Variants in CCDC144A observed in about 807,000 individuals in gnomAD.
The protein encoded by CCDC144A is coiled-coil domain containing 144A, also known as coiled-coil domain-containing protein 144A.
CCDC144A carries 41 observed loss-of-function variants against 143.8 expected under a neutral mutation model. The ratio of observed to expected loss-of-function variants is 0.29; its 90% confidence interval spans 0.22 to 0.37. The LOEUF is 0.37. Ranked by LOEUF, CCDC144A falls within the 10% of genes least tolerant of loss-of-function variation. The pLI, the probability that CCDC144A is intolerant of heterozygous loss-of-function variation, is 1.00. For synonymous variants in CCDC144A, 242 were observed against 517.9 expected (o/e 0.47, Z 7.23); for missense variants, 637 against 1,488.8 (o/e 0.43, Z 9.41).
chr17:16,716,228 GCAAA>G lies in CCDC144A; in HGVS notation c.1716-3957_1716-3954del, dbSNP rs750365028. Among the ~76,000 whole-genome samples, 191 of 152,216 alleles carry G rather than the reference GCAAA, an allele frequency of 1.3e-3. 1 individual carries two copies. The highest frequency in any genetic ancestry group is 2.2e-3 in the Admixed American group (34 of 15,296). Reference sequence around the variant, plus strand: ...AATTCGCTACATAGTTAAAAAACAAGCAAACAAACAAACAAAAAACAATTATTAA... The same window carrying G: ...AATTCGCTACATAGTTAAAAAACAAGCAAACAAACAAAAAACAATTATTAA... On this transcript the variant is annotated intron_variant, in intron 6 of 16. Transcript: ENST00000399273.
intron 12 of CCDC144A, among the ~76,000 whole-genome samples, chr17:16,748,424 A>G (rs1914638050): frequency 2.6e-5 from 4 of 152,222 alleles, no homozygotes; most frequent in Admixed American, 1.3e-4. Flanking sequence ...AACCAATTGC[A>G]TCACAAAAAT....
rs746257085 is a variant in CCDC144A, at chr17:16,709,257, A to G, written c.1200A>G (p.Lys400=). 8 of 1,611,776 alleles carry G rather than the reference A, an allele frequency of 5.0e-6. No individual in the cohort carries two copies. The East Asian group carries it at 1.6e-4, about 31-fold the overall frequency. ...CTAAGTTTCATTTACATGAAAATAAATTAGACTGCGACAATGATAACAAAC... is the reference window on the plus strand; with the variant it reads ...CTAAGTTTCATTTACATGAAAATAAGTTAGACTGCGACAATGATAACAAAC... ...SSSKFHLHEN[K]LDCDNDNKPG... is the part of the protein sequence containing the mutation. The change falls in exon 5 of 17, where the codon AAA becomes AAG. Residue 400 remains lysine, a synonymous_variant. Transcript: ENST00000399273.
intron 8 of CCDC144A, among the ~76,000 whole-genome samples, chr17:16,722,784 C>G (rs1454283045): frequency 6.6e-6 from 1 of 152,012 alleles, no homozygotes; most frequent in Non-Finnish European, 1.5e-5. Context: ...CAGCGTGTAG[C>G]CTTTAGACTG....
chr17:16,668,329 T>C, the CCDC144A span, among the ~76,000 whole-genome samples: 1 of 152,218 alleles, frequency 6.6e-6, no homozygotes, highest in Non-Finnish European at 1.5e-5. Flanking sequence ...TATACTTTAG[T>C]CACTTATACC....
the CCDC144A span, among the ~76,000 whole-genome samples, chr17:16,681,502 C>T: frequency 1.3e-5 from 2 of 151,926 alleles, no homozygotes; most frequent in African/African-American, 2.4e-5. Context: ...GTAAAGTTAC[C>T]CAGGTTTGTT....
chr17:16,707,449 T>G lies in CCDC144A; in HGVS notation c.665-20T>G. 2.6e-6 allele frequency: 4 copies of G among 1,567,658 alleles called. No individual in the cohort carries two copies. Among genetic ancestry groups the G allele is most frequent in the Non-Finnish European group, 3.5e-6 (4 of 1,146,888 alleles). ...ATCTAACTGTTCTAAGTAGTTTAAC[T>G]GAATGTTTGGATTTTGCAGCAGAAC... On this transcript the variant is annotated intron_variant, in intron 3 of 16. Transcript: ENST00000399273.
chr17:16,743,222 T>A (rs1335809896), intron 12 of CCDC144A, among the ~76,000 whole-genome samples: 1 of 152,184 alleles, frequency 6.6e-6, no homozygotes, highest in East Asian at 1.9e-4. Flanking sequence ...TAATTTTGGA[T>A]CTCATGTTTA....
intron 6 of CCDC144A, among the ~76,000 whole-genome samples, chr17:16,717,989 T>C (rs1288464995): frequency 6.6e-6 from 1 of 152,156 alleles, no homozygotes. Context: ...ATGACAGCAG[T>C]TTAAGTGAAA....
At chr17:16,667,336 G>A in the CCDC144A span, among the ~76,000 whole-genome samples, 1 of 140,454 alleles carries the variant, frequency 7.1e-6, no homozygotes, top group Non-Finnish European at 1.5e-5. Context: ...AGGAGGCTGA[G>A]GCGGCTGAGG....
chr17:16,711,699 G>A lies in CCDC144A; in HGVS notation c.1599G>A (p.Lys533=). 1.9e-6 allele frequency: 3 copies of A among 1,603,382 alleles called. No individual in the cohort carries two copies. Among genetic ancestry groups the A allele is most frequent in the Non-Finnish European group, 2.6e-6 (3 of 1,173,106 alleles). ...LHKDVEEEME[K]HRSNSTELSG... is the part of the protein sequence containing the mutation. ...TCAAGGTTGAAGAAGAAATGGAGAA[G>A]CACAGAAGTAATAGCACAGAATTAT... Residue 533 remains lysine (K), a synonymous_variant, in exon 6 of 17, where the codon AAG becomes AAA. Transcript: ENST00000399273.
intron 15 of CCDC144A, among the ~76,000 whole-genome samples, chr17:16,768,244 AG>A (rs1215541949): frequency 3.9e-5 from 6 of 152,262 alleles, no homozygotes; most frequent in Non-Finnish European, 8.8e-5. Flanking sequence ...GAGTTCCATT[AG>A]ACCCCCAATA....
upstream of CCDC144A, among the ~76,000 whole-genome samples, chr17:16,685,937 ATT>A (rs35158544): frequency 2.4e-4 from 30 of 124,148 alleles, no homozygotes; most frequent in African/African-American, 5.0e-4. Flanking sequence ...ACATCTGGCT[ATT>A]TTTTTTTTTT....
chr17:16,776,441 G>A lies in CCDC144A; in HGVS notation c.*2808G>A, dbSNP rs144206408. The A allele has an allele frequency of 0.1, 15,381 of 150,230 alleles. 618 individuals carry two copies. The highest frequency in any genetic ancestry group is 0.26 in the South Asian group (1,215 of 4,674). The allele number at this position is 150,230 out of a possible 1,614,324, so 9.3% of individuals were successfully genotyped here. On this transcript the variant is annotated 3_prime_UTR_variant, in exon 17 of 17. Transcript: ENST00000399273. The stretch of plus-strand genomic sequence containing the variant: ...CTTTTCTTGTTAGCTGTATTCCTAG[G>A]TATTATACTCTTCTTGTGGCAATTG...
At chr17:16,772,548 GT>G (rs1915862169) in intron 16 of CCDC144A, 1 of 770,522 alleles carries the variant, frequency 1.3e-6, no homozygotes, top group Non-Finnish European at 2.2e-6. Flanking sequence ...TTCTTGTCAA[GT>G]TACTCAGGCT....
chr17:16,711,189 G>A (rs1190327852), intron 5 of CCDC144A, among the ~76,000 whole-genome samples: 1 of 128,126 alleles, frequency 7.8e-6, no homozygotes, highest in Non-Finnish European at 1.6e-5. Flanking sequence ...GAATAGCTTA[G>A]TGCAGAAAAG....
intron 12 of CCDC144A, among the ~76,000 whole-genome samples, chr17:16,736,602 C>T (rs564142947): frequency 6.6e-6 from 1 of 152,090 alleles, no homozygotes; most frequent in African/African-American, 2.4e-5. Context: ...ACAAAGGTAA[C>T]TGTGGCTATC....
upstream of CCDC144A, among the ~76,000 whole-genome samples, chr17:16,686,265 C>G (rs1321789000): frequency 1.3e-5 from 2 of 151,918 alleles, no homozygotes; most frequent in Non-Finnish European, 2.9e-5. Context: ...AATGGTGTTG[C>G]AATTTCCCTC....
chr17:16,708,686 G>A (rs1222146413), intron 4 of CCDC144A, 110 bp from the exon 5 acceptor site: 1 of 1,132,984 alleles, frequency 8.8e-7, no homozygotes, highest in Non-Finnish European at 1.3e-6. Flanking sequence ...ATTTTTCTTT[G>A]TTCATACCTG....
At chr17:16,747,579 A>G (rs1914596258) in intron 12 of CCDC144A, among the ~76,000 whole-genome samples, 2 of 152,032 alleles carry the variant, frequency 1.3e-5, no homozygotes, top group Admixed American at 6.5e-5. Context: ...TTTTGGTGTC[A>G]TCTATTTGGT....
Sources: allele counts gnomAD v4.1 joint callset (sites outside exome capture counted in the v4.1 genomes callset), GRCh38; gene constraint gnomAD v4.1.1; transcripts MANE v1.5; gene names NCBI Gene and HGNC (gene_info 2026-07-23, HGNC 2026-07-21).